MYCBP2: variants seen among roughly 807,000 people sequenced by gnomAD.
The protein encoded by MYCBP2 is E3 ubiquitin-protein ligase MYCBP2.
In MYCBP2, 120 loss-of-function variants were observed where a neutral mutation model predicts 525.3. The ratio of observed to expected loss-of-function variants is 0.23; its 90% CI spans 0.20 to 0.27. MYCBP2 has a LOEUF of 0.27. Among genes scored for constraint, MYCBP2 ranks in the 10% least tolerant of loss-of-function variants. The pLI, the probability that MYCBP2 is intolerant of heterozygous loss-of-function variation, is 1.00. For synonymous variants in MYCBP2, 1,894 were observed against 1,955.8 expected, an observed-to-expected ratio of 0.97 and a Z score of 0.83; for missense variants, 4,149 against 5,657.1, an observed-to-expected ratio of 0.73 and a Z score of 8.55.
At chr13:77,245,873 TAC>T (rs201455771) in intron 15 of MYCBP2, among the ~76,000 whole-genome samples, 1 of 150,836 alleles carries the variant, frequency 6.6e-6, no homozygotes. Context: ...CACATATATA[TAC>T]ACACACACAA....
chr13:77,051,967 G>T, intron 80 of MYCBP2, 49 bp from the exon 81 acceptor site: 1 of 1,408,678 alleles, frequency 7.1e-7, no homozygotes, highest in Non-Finnish European at 1.0e-6. Context: ...GAAAACTCTG[G>T]CATGGGAGAT....
At chr13:77,136,910 T>C (rs2053839969) in intron 52 of MYCBP2, among the ~76,000 whole-genome samples, 1 of 152,200 alleles carries the variant, frequency 6.6e-6, no homozygotes, top group South Asian at 2.1e-4. Flanking sequence ...AGTCTTGTCA[T>C]CTATATCTTT....
intron 3 of MYCBP2, among the ~76,000 whole-genome samples, chr13:77,287,089 G>T (rs1178284542): frequency 6.6e-6 from 1 of 150,928 alleles, no homozygotes; most frequent in East Asian, 2.0e-4. Context: ...GGGTTTCACC[G>T]TGTTAGCCAG....
At chr13:77,316,450 G>A (rs2080948456) in intron 1 of MYCBP2, among the ~76,000 whole-genome samples, 1 of 152,224 alleles carries the variant, frequency 6.6e-6, no homozygotes, top group African/African-American at 2.4e-5. Context: ...GCCAACCAAT[G>A]TTCCCAGCAG....
chr13:77,268,888 A>G (rs1212917957), intron 7 of MYCBP2, among the ~76,000 whole-genome samples: 1 of 152,244 alleles, frequency 6.6e-6, no homozygotes, highest in African/African-American at 2.4e-5. Context: ...ACTTTCAAAT[A>G]TCTTTTATCA....
At chr13:77,277,572 G>T (rs2075764378) in intron 4 of MYCBP2, among the ~76,000 whole-genome samples, 1 of 152,172 alleles carries the variant, frequency 6.6e-6, no homozygotes, top group South Asian at 2.1e-4. Flanking sequence ...GGTTCTCACA[G>T]GTGGGTCCTA....
At chr13:77,210,347 C>G (rs1378283650) in intron 23 of MYCBP2, among the ~76,000 whole-genome samples, 3 of 151,928 alleles carry the variant, frequency 2.0e-5, no homozygotes, top group African/African-American at 7.3e-5. Flanking sequence ...TGCCCGCCAC[C>G]ACGCCCGGCT....
chr13:77,164,032 C>T (rs1342586167), intron 43 of MYCBP2, among the ~76,000 whole-genome samples: 1 of 152,198 alleles, frequency 6.6e-6, no homozygotes, highest in Non-Finnish European at 1.5e-5. Flanking sequence ...TTCATACAGT[C>T]CCATGTCTTT....
At chr13:77,296,804 A>G (rs1376566546) in intron 1 of MYCBP2, 130 bp from the exon 2 acceptor site, 1 of 720,536 alleles carries the variant, frequency 1.4e-6, no homozygotes, top group Non-Finnish European at 2.1e-6. Flanking sequence ...ATGTGAAACA[A>G]TATACTTTAC....
At chr13:77,113,138 C>T (rs1314174848) in intron 55 of MYCBP2, among the ~76,000 whole-genome samples, 3 of 152,098 alleles carry the variant, frequency 2.0e-5, no homozygotes, top group African/African-American at 7.2e-5. Context: ...CTCATGTTAT[C>T]CTTATAGTTG....
chr13:77,093,450 T>C (rs2045751458), intron 58 of MYCBP2, 118 bp from the exon 59 acceptor site: 1 of 842,400 alleles, frequency 1.2e-6, no homozygotes, highest in Admixed American at 2.6e-5. Flanking sequence ...AGGCAAAGCA[T>C]TAAAATAATC....
chr13:77,151,058 C>A, intron 46 of MYCBP2, 109 bp from the exon 47 acceptor site: 1 of 891,798 alleles, frequency 1.1e-6, no homozygotes, highest in Non-Finnish European at 1.7e-6. Context: ...TTTATGTTAG[C>A]ATTGGTCTGT....
In MYCBP2 at chr13:77,176,609, G is replaced by T; in HGVS notation, c.5360C>A (p.Ser1787Ter). 6.4e-7 allele frequency: 1 copy of T among 1,572,520 alleles called. No individual in the cohort carries two copies. The highest frequency in any genetic ancestry group is 1.2e-5 in the South Asian group (1 of 82,954). The change falls in exon 36 of 83, where the codon TCA (serine) becomes TAA (stop). Residue 1787 changes from serine (S) to a stop codon, truncating the protein, a stop_gained. Transcript: ENST00000544440. LOFTEE classifies it high-confidence loss of function. Reference protein sequence around the residue: ...LVDDSEHAGDSTHSHRWTSLE... With the variant: ...LVDDSEHAGD ...AGATGTCCATCTGTGGGAATGAGTT[G>T]AATCTCCTGCATGTTCACTCTAAAA... is the stretch of plus-strand genomic sequence containing the variant.
Position 77,217,869 on chromosome 13 carries a change from C to A in MYCBP2, c.3028G>T (p.Gly1010Ter). ...AAACTTCCAAATGTGAAGACCTGTC[C>A]ATCCATTAAAAGTACTGCCGTATGG... ...SNHTAVLLMDGQVFTFGSFSK... is the reference protein window; with the variant it reads ...SNHTAVLLMD Residue 1010 changes from glycine (G) to a stop codon, truncating the protein, a stop_gained, in exon 21 of 83, where the codon GGA (glycine) becomes TGA (stop). Transcript: ENST00000544440. LOFTEE classifies it high-confidence loss of function. 6.2e-7 allele frequency: 1 copy of A among 1,606,652 alleles called. No homozygotes were observed. Among genetic ancestry groups the A allele is most frequent in the South Asian group, 1.1e-5 (1 of 89,684 alleles).
chr13:77,097,938 T>G lies in MYCBP2; in HGVS notation c.9216A>C (p.Leu3072Phe). 6.2e-7 allele frequency: 1 copy of G among 1,612,884 alleles called. No homozygotes were observed. The highest frequency in any genetic ancestry group is 1.1e-5 in the South Asian group (1 of 90,834). Residue 3072 changes from leucine (L) to phenylalanine (F), a missense_variant, in exon 56 of 83, where the codon TTA becomes TTC. Transcript: ENST00000544440. ...SKEHAPIRSS[L>F]NSQQPTEEKE... ...TTTCCTCTGTAGGTTGTTGGCTATT[T>G]AAACTACTCCTTATAGGAGCATGTT...
intron 81 of MYCBP2, among the ~76,000 whole-genome samples, chr13:77,051,554 G>T (rs899762457): frequency 2.0e-5 from 3 of 152,070 alleles, no homozygotes; most frequent in Non-Finnish European, 4.4e-5. Context: ...GCACGTTTAA[G>T]AAACTAAGAA....
At chr13:77,078,532 G>A (rs943218616) in intron 66 of MYCBP2, among the ~76,000 whole-genome samples, 1 of 152,172 alleles carries the variant, frequency 6.6e-6, no homozygotes, top group Non-Finnish European at 1.5e-5. Context: ...TGGGATCTGT[G>A]ATAAATTTTA....
chr13:77,199,131 G>A (rs1044943575), intron 26 of MYCBP2, among the ~76,000 whole-genome samples: 10 of 152,300 alleles, frequency 6.6e-5, no homozygotes, highest in East Asian at 1.9e-4. Flanking sequence ...CTGAGGTACC[G>A]GGTTCATCTC....
At chr13:77,108,456 G>T (rs1594608893) in intron 55 of MYCBP2, among the ~76,000 whole-genome samples, 1 of 152,128 alleles carries the variant, frequency 6.6e-6, no homozygotes, top group Non-Finnish European at 1.5e-5. Context: ...GCATTAACTT[G>T]AGACACAAGA....
Sources: gnomAD v4.1 joint callset for allele counts (sites outside exome capture counted in the v4.1 genomes callset) on GRCh38, gnomAD v4.1.1 for gene constraint, MANE v1.5 for transcripts, NCBI Gene and HGNC (gene_info 2026-07-23, HGNC 2026-07-21) for gene names.